Variants in KIAA0753 observed in about 807,000 individuals in gnomAD.
KIAA0753 encodes protein moonraker.
A neutral mutation model predicts 116.9 loss-of-function variants in KIAA0753; 114 were observed. That is an observed-to-expected ratio of 0.98 (90% CI 0.84 to 1.14). The LOEUF (loss-of-function observed/expected upper bound fraction) is 1.14. KIAA0753 is among the 50% of genes most tolerant of loss of function. The pLI is 0.00. For synonymous variants in KIAA0753, 405 were observed against 413.1 expected, an observed-to-expected ratio of 0.98 and a Z score of 0.24; for missense variants, 1,156 against 1,172.4, an observed-to-expected ratio of 0.99 and a Z score of 0.20.
intron 17 of KIAA0753, 72 bp from the exon 18 acceptor site, chr17:6,590,075 C>A: frequency 8.7e-7 from 1 of 1,155,690 alleles, no homozygotes; most frequent in South Asian, 1.6e-5. Flanking sequence ...AATTTACCCT[C>A]ATGGTTTGAT....
Position 6,623,246 on chromosome 17 carries a change from G to T in KIAA0753, c.889-149C>A, listed in dbSNP as rs1329318609. 6 of 850,090 alleles carry T rather than the reference G, an allele frequency of 7.1e-6. No individual in the cohort carries two copies. In the South Asian group the frequency reaches 1.1e-4, roughly 16 times the overall value. The allele number at this position is 850,090 out of a possible 1,614,324, so 52.7% of individuals were successfully genotyped here. A position where few individuals can be genotyped will look rare whatever the true frequency, so the allele number is the denominator to read the frequency against. On this transcript the variant is annotated intron_variant, in intron 5 of 18. Transcript: ENST00000361413. ...TTTTCATAGTAAAGGGAGTTGTAAA[G>T]TTTAAAGTTTTCTAGTGGCAGTCTT... is the stretch of plus-strand genomic sequence containing the variant.
intron 18 of KIAA0753, 114 bp from the exon 19 acceptor site, chr17:6,579,978 T>C: frequency 5.7e-6 from 4 of 703,756 alleles, no homozygotes; most frequent in Non-Finnish European, 1.0e-5. Flanking sequence ...AGGTCAGGAG[T>C]TTGAGACCAG....
At chr17:6,622,192 G>C (rs1459136611) in intron 6 of KIAA0753, among the ~76,000 whole-genome samples, 2 of 152,168 alleles carry the variant, frequency 1.3e-5, no homozygotes, top group East Asian at 3.8e-4. Context: ...AGAATTTGAT[G>C]CCTAGCTCTC....
chr17:6,630,121 AAATAAT>A (rs900649618), intron 2 of KIAA0753, among the ~76,000 whole-genome samples: 7 of 151,632 alleles, frequency 4.6e-5, no homozygotes, highest in Non-Finnish European at 5.9e-5. Flanking sequence ...GACACTGTCT[AAATAAT>A]AATAATAATT....
At chr17:6,611,427 A>T (rs934630466) in intron 8 of KIAA0753, among the ~76,000 whole-genome samples, 1 of 152,072 alleles carries the variant, frequency 6.6e-6, no homozygotes, top group Non-Finnish European at 1.5e-5. Context: ...CAGGCTCCCA[A>T]ATAGCTGGGA....
Position 6,595,005 on chromosome 17 carries a change from C to T in KIAA0753, c.2407G>A (p.Asp803Asn), listed in dbSNP as rs771475010. ...RQRYNKIAYA[D>N]PRLWMQEENN... is the part of the protein sequence containing the mutation. ...TCTTCCTGCATCCAAAGTCGAGGAT[C>T]AGCATATGCGATTTTATTATATCTT... The change falls in exon 16 of 19, where the codon GAT (aspartate) becomes AAT (asparagine). Residue 803 changes from aspartate (D) to asparagine (N), a missense_variant. By Grantham distance (23) the Asp-to-Asn change is conservative. Coordinates refer to ENST00000361413, the MANE Select transcript of KIAA0753 (RefSeq NM_014804.3). 9.3e-6 allele frequency: 15 copies of T among 1,612,568 alleles called. No homozygotes were observed. Among genetic ancestry groups the T allele is most frequent in the Non-Finnish European group, 1.3e-5 (15 of 1,179,112 alleles).
intron 16 of KIAA0753, among the ~76,000 whole-genome samples, chr17:6,590,833 C>T (rs935680401): frequency 6.6e-6 from 1 of 152,032 alleles, no homozygotes; most frequent in East Asian, 1.9e-4. Flanking sequence ...ATGAGGAATA[C>T]GTTTTAAGAA....
chr17:6,635,740 AT>A (rs1353245286), intron 1 of KIAA0753: 1 of 152,088 alleles, frequency 6.6e-6, no homozygotes, highest in Non-Finnish European at 1.5e-5. Context: ...CCCTATACAT[AT>A]GTACACAAGA....
At chr17:6,598,108 T>C (rs1969603433) in intron 14 of KIAA0753, among the ~76,000 whole-genome samples, 1 of 152,220 alleles carries the variant, frequency 6.6e-6, no homozygotes. Context: ...TCATTCCTAG[T>C]ATACTCAAAC....
chr17:6,583,857 T>C (rs1256303281), intron 18 of KIAA0753, among the ~76,000 whole-genome samples: 1 of 152,234 alleles, frequency 6.6e-6, no homozygotes, highest in African/African-American at 2.4e-5. Flanking sequence ...CTCTGTTGCC[T>C]GGTTATTTTT....
chr17:6,619,342 G>C (rs1417460499), intron 7 of KIAA0753, among the ~76,000 whole-genome samples: 1 of 152,148 alleles, frequency 6.6e-6, no homozygotes, highest in Non-Finnish European at 1.5e-5. Context: ...CCTTGACCTG[G>C]ATAGTAGTTA....
chr17:6,629,248 G>A (rs963687142), intron 2 of KIAA0753, among the ~76,000 whole-genome samples: 14 of 152,126 alleles, frequency 9.2e-5, no homozygotes, highest in Admixed American at 7.9e-4. Flanking sequence ...GAAACAGTCC[G>A]CTTATGCTTT....
rs1268324180 is a variant in KIAA0753 at position 6,599,789 on chromosome 17, G to A, written c.2089-469C>T. Among the ~76,000 whole-genome samples the A allele has an allele frequency of 6.6e-5, 10 of 152,134 alleles. No homozygotes were observed. In the South Asian group the frequency reaches 1.0e-3, roughly 16 times the overall value. On this transcript the variant is annotated intron_variant, in intron 13 of 18. Coordinates refer to ENST00000361413, the MANE Select transcript of KIAA0753 (RefSeq NM_014804.3). ...GTTCAGTGGCCTGTTTAGGGACCCC[G>A]AATGTCATTCATTCCATTTAAATTT... is the stretch of plus-strand genomic sequence containing the variant.
chr17:6,626,524 G>C (rs544876994), intron 3 of KIAA0753, among the ~76,000 whole-genome samples: 1 of 152,062 alleles, frequency 6.6e-6, no homozygotes, highest in African/African-American at 2.4e-5. Context: ...TAAATGGAAC[G>C]GGCTTAGGTG....
In KIAA0753 at chr17:6,579,726, T is replaced by C. The variant is rs3744720; in HGVS notation, c.*21A>G. On this transcript the variant is annotated 3_prime_UTR_variant, in exon 19 of 19. Coordinates refer to ENST00000361413, the MANE Select transcript of KIAA0753 (RefSeq NM_014804.3). ...CATCCCTTCTCCAGTGTGACACAAA[T>C]GGCCTCGCCTCAGAGAGCCTTTATG... 0.59 allele frequency: 908,038 copies of C among 1,534,580 alleles called. 272,334 individuals carry two copies. Among genetic ancestry groups the C allele is most frequent in the African/African-American group, 0.78 (57,352 of 73,498 alleles).
chr17:6,591,360 C>A (rs114537199), intron 16 of KIAA0753, among the ~76,000 whole-genome samples: 2,243 of 152,260 alleles, frequency 0.015, 53 homozygotes, highest in African/African-American at 0.048. Flanking sequence ...TAATTTCTTG[C>A]TGTCAGACAG....
intron 7 of KIAA0753, among the ~76,000 whole-genome samples, chr17:6,620,506 C>CT (rs1403457675): frequency 2.0e-5 from 3 of 151,652 alleles, no homozygotes; most frequent in African/African-American, 7.3e-5. Flanking sequence ...ATAAAATAAA[C>CT]TTTTTTTAAA....
At chr17:6,582,546 G>A (rs72830354) in intron 18 of KIAA0753, among the ~76,000 whole-genome samples, 12,846 of 151,896 alleles carry the variant, frequency 0.085, 600 homozygotes, top group Non-Finnish European at 0.11. Flanking sequence ...TTGTTTTTTC[G>A]CTAATCTGAC....
intron 1 of KIAA0753, chr17:6,635,847 C>T (rs1243336196): frequency 6.6e-6 from 1 of 152,248 alleles, no homozygotes; most frequent in Non-Finnish European, 1.5e-5. Context: ...TTTACTATCC[C>T]TGCCACTCAC....
Sources: gnomAD v4.1 joint callset for allele counts (sites outside exome capture counted in the v4.1 genomes callset) on GRCh38, gnomAD v4.1.1 for gene constraint, MANE v1.5 for transcripts, NCBI Gene and HGNC (gene_info 2026-07-23, HGNC 2026-07-21) for gene names.